DPP10: variants seen among roughly 807,000 people sequenced by gnomAD.
The protein encoded by DPP10 is inactive dipeptidyl peptidase 10.
In DPP10, 33 loss-of-function variants were observed where a neutral mutation model predicts 120.9. The ratio of observed to expected loss-of-function variants is 0.27; its 90% CI spans 0.21 to 0.37. DPP10 has a LOEUF of 0.37. DPP10 is among the 10% of genes least tolerant of loss of function. The pLI is 1.00. For synonymous variants in DPP10, 337 were observed against 326.1 expected (o/e 1.03, Z -0.36); for missense variants, 816 against 942.8 (o/e 0.87, Z 1.76).
chr2:115,249,115 AATAG>A (rs2058651785), intron 1 of DPP10, among the ~76,000 whole-genome samples: 2 of 152,086 alleles, frequency 1.3e-5, no homozygotes, highest in Non-Finnish European at 2.9e-5. Context: ...TTTTTCAGAG[AATAG>A]ATAGCTTTTC....
At chr2:115,307,898 A>G (rs562750283) in intron 1 of DPP10, among the ~76,000 whole-genome samples, 20 of 152,148 alleles carry the variant, frequency 1.3e-4, no homozygotes, top group Non-Finnish European at 2.4e-4. Flanking sequence ...CAAGAGGAAT[A>G]GAAGTGTTGG....
chr2:115,812,307 G>A (rs572630615), intron 19 of DPP10, among the ~76,000 whole-genome samples: 1 of 152,184 alleles, frequency 6.6e-6, no homozygotes, highest in African/African-American at 2.4e-5. Context: ...TCTTTTTAAG[G>A]CCTTTCCATT....
chr2:115,385,398 C>G (rs1488915062), intron 3 of DPP10, among the ~76,000 whole-genome samples: 1 of 151,618 alleles, frequency 6.6e-6, no homozygotes, highest in East Asian at 1.9e-4. Context: ...TCTTGTCGCC[C>G]AGGCTGGAGT....
chr2:114,480,598 A>G (rs1176471558), intron 1 of DPP10, among the ~76,000 whole-genome samples: 2 of 151,710 alleles, frequency 1.3e-5, no homozygotes, highest in East Asian at 1.9e-4. Context: ...TCAGCAAACT[A>G]TCGCAAGGAC....
At chr2:115,759,656 TATAA>T (rs1378605513) in intron 11 of DPP10, among the ~76,000 whole-genome samples, 1 of 151,332 alleles carries the variant, frequency 6.6e-6, no homozygotes, top group East Asian at 1.9e-4. Context: ...TTTGTTTATA[TATAA>T]ATAAGAAGAC....
In DPP10 at chr2:115,461,125, A is replaced by G. The variant is rs554859759; in HGVS notation, c.272-38385A>G. On this transcript the variant is annotated intron_variant, in intron 3 of 25. Coordinates refer to ENST00000410059, the MANE Select transcript of DPP10 (RefSeq NM_020868.6). ...TGTGGCTTCTATGTTGAGAATAAAA[A>G]GATGAATAAAACAAGTTTACACTAA... Among the ~76,000 whole-genome samples the G allele has an allele frequency of 3.3e-4, 51 of 152,344 alleles. No homozygotes were observed. The South Asian group carries it at 7.2e-3, about 22-fold the overall frequency.
chr2:115,040,051 G>T (rs1177952841), intron 1 of DPP10, among the ~76,000 whole-genome samples: 2 of 152,180 alleles, frequency 1.3e-5, no homozygotes, highest in African/African-American at 4.8e-5. Flanking sequence ...AATTTTACTA[G>T]AAGTAATGCT....
At chr2:115,073,075 G>A (rs1707503775) in intron 1 of DPP10, among the ~76,000 whole-genome samples, 3 of 152,248 alleles carry the variant, frequency 2.0e-5, no homozygotes, top group African/African-American at 7.2e-5. Context: ...GAGCCACTGC[G>A]CCCAGCCAGA....
At chr2:115,117,650 A>C (rs1374350190) in intron 1 of DPP10, among the ~76,000 whole-genome samples, 6 of 152,198 alleles carry the variant, frequency 3.9e-5, no homozygotes. Flanking sequence ...ATATTTCATC[A>C]CACTTTTGGA....
At chr2:114,890,808 G>A (rs1026471943) in intron 1 of DPP10, among the ~76,000 whole-genome samples, 1 of 152,118 alleles carries the variant, frequency 6.6e-6, no homozygotes, top group Admixed American at 6.5e-5. Context: ...CGGTAGCAGG[G>A]TACAATATAG....
At chr2:115,227,536 A>G (rs1329678566) in intron 1 of DPP10, among the ~76,000 whole-genome samples, 1 of 152,198 alleles carries the variant, frequency 6.6e-6, no homozygotes, top group Non-Finnish European at 1.5e-5. Flanking sequence ...GATACAGAAT[A>G]GTTAGCCCAA....
chr2:114,844,565 T>C (rs1157136705), intron 1 of DPP10, among the ~76,000 whole-genome samples: 2 of 152,012 alleles, frequency 1.3e-5, no homozygotes, highest in African/African-American at 2.4e-5. Context: ...CAAGTTGAAA[T>C]GTAGTAAAGC....
intron 1 of DPP10, among the ~76,000 whole-genome samples, chr2:114,993,818 T>G (rs897378840): frequency 6.6e-6 from 1 of 152,058 alleles, no homozygotes; most frequent in African/African-American, 2.4e-5. Context: ...TCTACATGTT[T>G]GAATAGATTT....
At chr2:115,396,828 A>T (rs2106565303) in intron 3 of DPP10, among the ~76,000 whole-genome samples, 1 of 152,276 alleles carries the variant, frequency 6.6e-6, no homozygotes, top group Admixed American at 6.5e-5. Context: ...CATTGCACTC[A>T]TATATCATTA....
intron 1 of DPP10, among the ~76,000 whole-genome samples, chr2:114,634,522 C>T (rs374187033): frequency 5.3e-5 from 8 of 151,862 alleles, no homozygotes; most frequent in Admixed American, 3.3e-4. Context: ...CCCTTAGCTA[C>T]TTTGCAAACG....
intron 1 of DPP10, among the ~76,000 whole-genome samples, chr2:115,202,999 C>T (rs1373859045): frequency 6.6e-6 from 1 of 152,110 alleles, no homozygotes; most frequent in African/African-American, 2.4e-5. Flanking sequence ...GGAGTTAATG[C>T]TTATTTTGCA....
At chr2:114,519,801 G>T (rs868000797) in intron 1 of DPP10, among the ~76,000 whole-genome samples, 29 of 152,294 alleles carry the variant, frequency 1.9e-4, no homozygotes, top group Middle Eastern at 6.8e-3. Context: ...ATTGGCTTTA[G>T]ATGGCATATT....
intron 1 of DPP10, among the ~76,000 whole-genome samples, chr2:115,245,227 C>A (rs1366918084): frequency 6.6e-6 from 1 of 152,030 alleles, no homozygotes; most frequent in Non-Finnish European, 1.5e-5. Flanking sequence ...TCCCCATCTT[C>A]TTTATCTATT....
In DPP10 at chr2:115,478,873, A is replaced by C. The variant is rs769437230; in HGVS notation, c.272-20637A>C. ...TTGATACCACATCACATTCACTATGATGCATACTATCAGAAAGAAAGTAAA... is the reference window on the plus strand; with the variant it reads ...TTGATACCACATCACATTCACTATGCTGCATACTATCAGAAAGAAAGTAAA... On this transcript the variant is annotated intron_variant, in intron 3 of 25. Coordinates refer to ENST00000410059, the MANE Select transcript of DPP10 (RefSeq NM_020868.6). Among the ~76,000 whole-genome samples, 12 of 152,324 alleles carry C rather than the reference A, an allele frequency of 7.9e-5. No individual in the cohort carries two copies. In the East Asian group the frequency reaches 2.3e-3, roughly 29 times the overall value.
Sources: gnomAD v4.1 joint callset for allele counts (sites outside exome capture counted in the v4.1 genomes callset) on GRCh38, gnomAD v4.1.1 for gene constraint, MANE v1.5 for transcripts, NCBI Gene and HGNC (gene_info 2026-07-23, HGNC 2026-07-21) for gene names.